EPN1: variants seen among roughly 807,000 people sequenced by gnomAD.
EPN1 encodes epsin-1.
A neutral mutation model predicts 56.9 loss-of-function variants in EPN1; 25 were observed. The observed-to-expected ratio is 0.44, with a 90% CI of 0.32 to 0.61. EPN1 has a LOEUF of 0.61. Ranked by LOEUF, EPN1 falls within the 20% of genes least tolerant of loss-of-function variation. The pLI, the probability that EPN1 is intolerant of heterozygous loss-of-function variation, is 0.05. For missense variants in EPN1, 785 were observed against 823.7 expected, an observed-to-expected ratio of 0.95 and a Z score of 0.58; for synonymous variants, 411 against 361.8, an observed-to-expected ratio of 1.14 and a Z score of -1.54.
In EPN1 at chr19:55,682,964, C is replaced by T. The variant is rs969633000; in HGVS notation, c.229-2432C>T. 2.4e-4 allele frequency among the ~76,000 whole-genome samples: 36 copies of T among 152,020 alleles called. No individual in the cohort carries two copies. In the East Asian group the frequency reaches 2.9e-3, roughly 12 times the overall value. ...TAGAGATGGGGTTTCACCATATTGGCCAGGCTGGTCTCGAACTTCTGACCT... is the reference window on the plus strand; with the variant it reads ...TAGAGATGGGGTTTCACCATATTGGTCAGGCTGGTCTCGAACTTCTGACCT... On this transcript the variant is annotated intron_variant, in intron 2 of 10. Coordinates refer to ENST00000270460, the MANE Select transcript of EPN1 (RefSeq NM_001130072.2).
rs1986824098 is a variant in EPN1, at chr19:55,694,940, C to T, written c.1479C>T (p.Pro493=). ...DLDSLVSRPG[P]TPPGAKASNP... is the part of the protein sequence containing the mutation. Reference sequence around the variant, plus strand: ...ACTCGCTGGTGAGCCGGCCGGGCCCCACGCCGCCTGGAGCCAAGGCCTCCA... The same window carrying T: ...ACTCGCTGGTGAGCCGGCCGGGCCCTACGCCGCCTGGAGCCAAGGCCTCCA... The change falls in exon 10 of 11, where the codon CCC becomes CCT. Residue 493 remains proline, a synonymous_variant. Transcript: ENST00000270460. The surrounding 1 kb of genome is among the most constrained non-coding windows in gnomAD (Gnocchi z 4.2). The T allele has an allele frequency of 6.4e-7, 1 of 1,561,422 alleles. No homozygotes were observed. Among genetic ancestry groups the T allele is most frequent in the Non-Finnish European group, 8.7e-7 (1 of 1,153,688 alleles).
At position 55,707,772 on chromosome 19, in the gene EPN1, C is replaced by G. The variant is rs184916168; in HGVS notation, c.*12416C>G. On this transcript the variant is annotated 3_prime_UTR_variant, in exon 11 of 11. Transcript: ENST00000270460. ...CATGGCCGTGGCAAACTCCTTGGTTCTTCTTTCCACTGGAATCCCCCACAC... is the reference window on the plus strand; with the variant it reads ...CATGGCCGTGGCAAACTCCTTGGTTGTTCTTTCCACTGGAATCCCCCACAC... 29 of 154,634 alleles carry G rather than the reference C, an allele frequency of 1.9e-4. No homozygotes were observed. Among genetic ancestry groups the G allele is most frequent in the Middle Eastern group, 5.2e-4 (1 of 1,926 alleles). 9.6% of individuals were successfully genotyped at this position (154,634 alleles called of 1,614,324 possible). A position where few individuals can be genotyped will look rare whatever the true frequency, so the allele number is the denominator to read the frequency against.
chr19:55,692,016 C>T lies in EPN1; in HGVS notation c.1025C>T (p.Ala342Val). The T allele has an allele frequency of 6.8e-7, 1 of 1,474,530 alleles. No individual in the cohort carries two copies. The allele number at this position is 1,474,530 out of a possible 1,614,324, so 91.3% of individuals were successfully genotyped here. Residue 342 changes from alanine (A) to valine (V), a missense_variant, in exon 7 of 11, where the codon GCT (alanine) becomes GTT (valine). Physicochemically the swap from Ala to Val is moderately conservative, Grantham distance 64 (BLOSUM62 0). This residue lies in a region of EPN1 where 650 missense variants were observed against 605.0 expected (regional missense o/e 1.07). Transcript: ENST00000270460. The stretch of plus-strand genomic sequence containing the variant: ...TGGGGTGGGACCCCAGCCCCTGCAG[C>T]TGGGGAGGGGCCCACGCCTGATCCA... ...DPWGGTPAPA[A>V]GEGPTPDPWG...
At position 55,709,197 on chromosome 19, in the gene EPN1, T is replaced by A. The variant is rs1183362169; in HGVS notation, c.*13841T>A. 1 of 519,260 alleles carries A rather than the reference T, an allele frequency of 1.9e-6. No homozygotes were observed. The highest frequency in any genetic ancestry group is 3.2e-6 in the Non-Finnish European group (1 of 310,894). The allele number at this position is 519,260 out of a possible 1,614,324, so 32.2% of individuals were successfully genotyped here. ...TGAATTTGAAAAACAAGCATGAATC[T>A]TTCCTATAGGATAGGAAGCCTCTGA... On this transcript the variant is annotated 3_prime_UTR_variant, in exon 11 of 11. Coordinates refer to ENST00000270460, the MANE Select transcript of EPN1 (RefSeq NM_001130072.2).
In EPN1 at chr19:55,691,627, C is replaced by T. The variant is rs559452884; in HGVS notation, c.763-127C>T. 3 of 775,684 alleles carry T rather than the reference C, an allele frequency of 3.9e-6. No individual in the cohort carries two copies. The highest frequency in any genetic ancestry group is 1.6e-5 in the South Asian group (1 of 61,070). The allele number at this position is 775,684 out of a possible 1,614,324, so 48.1% of individuals were successfully genotyped here. ...GTTTGGGGCCTGCCTCCCTCTCACC[C>T]CTTATGGATGGCTGCTGTCTGGACA... is the stretch of plus-strand genomic sequence containing the variant. On this transcript the variant is annotated intron_variant, in intron 6 of 10. Coordinates refer to ENST00000270460, the MANE Select transcript of EPN1 (RefSeq NM_001130072.2). The surrounding 1 kb of genome is among the most constrained non-coding windows in gnomAD (Gnocchi z 5.6).
In EPN1 at chr19:55,692,736, C is replaced by T. The variant is rs1480043894; in HGVS notation, c.1117C>T (p.Pro373Ser). The T allele has an allele frequency of 5.7e-6, 9 of 1,574,966 alleles. No individual in the cohort carries two copies. The South Asian group carries it at 5.8e-5, about 10-fold the overall frequency. Residue 373 changes from proline to serine, a missense_variant, in exon 8 of 11, where the codon CCG becomes TCG. By Grantham distance (74) the Pro-to-Ser change is moderately conservative. Around this residue, in one of 2 missense-constraint regions of EPN1, gnomAD observed 650 missense variants for 605.0 expected, o/e 1.07. Transcript: ENST00000270460. Reference protein sequence around the residue: ...PSASDPWTPAPAFSDPWGGSP... With the variant: ...PSASDPWTPASAFSDPWGGSP... ...AGCCTCCGATCCCTGGACACCGGCC[C>T]CGGCCTTCTCAGATCCCTGGGGAGG...
At chr19:55,692,584 G>A (rs1046967273) in intron 7 of EPN1, 102 bp from the exon 8 acceptor site, 20 of 734,888 alleles carry the variant, frequency 2.7e-5, no homozygotes, top group Non-Finnish European at 4.3e-5. Context: ...GGGGGCAGGG[G>A]GGCTTTTGTG....
intron 7 of EPN1, 126 bp downstream of exon 7, chr19:55,692,183 A>T: frequency 1.1e-6 from 1 of 883,500 alleles, no homozygotes; most frequent in Non-Finnish European, 1.6e-6. Flanking sequence ...TCCTGGGTGC[A>T]GGGGAGGGGG....
At chr19:55,686,782 A>G (rs1291191649) in intron 3 of EPN1, among the ~76,000 whole-genome samples, 2 of 151,084 alleles carry the variant, frequency 1.3e-5, no homozygotes, top group Non-Finnish European at 2.9e-5. Context: ...TAGGCGGCAG[A>G]GAGGGGCTGG....
chr19:55,685,732 C>G, intron 3 of EPN1, 87 bp downstream of exon 3: 1 of 1,496,430 alleles, frequency 6.7e-7, no homozygotes, highest in Non-Finnish European at 9.0e-7. Context: ...ACTGCTTTCT[C>G]TCCCAGCCAG....
rs576312629 is a variant in EPN1 at position 55,679,240 on chromosome 19, T to C, written c.228+385T>C. Among the ~76,000 whole-genome samples the C allele has an allele frequency of 6.6e-5, 10 of 152,354 alleles. No homozygotes were observed. In the South Asian group the frequency reaches 2.1e-3, roughly 32 times the overall value. ...CCCCGTGGCACAGGCGATGCCACGC[T>C]GGGGATGAACGCTGTCGTGCCTGTG... On this transcript the variant is annotated intron_variant, in intron 2 of 10. Coordinates refer to ENST00000270460, the MANE Select transcript of EPN1 (RefSeq NM_001130072.2).
intron 1 of EPN1, chr19:55,677,819 C>T (rs1418484683): frequency 1.4e-6 from 2 of 1,409,256 alleles, no homozygotes; most frequent in Non-Finnish European, 1.9e-6. Flanking sequence ...TGGATTCCTG[C>T]CCCCTCTGCC....
chr19:55,697,679 C>G lies in EPN1; in HGVS notation c.*2323C>G, dbSNP rs1042052624. On this transcript the variant is annotated 3_prime_UTR_variant, in exon 11 of 11. Transcript: ENST00000270460. ...AATTACAAAGTAGCACCACAGATCT[C>G]GTGTCTCCTACTTTATTCCTCTTTC... 6.6e-6 allele frequency: 1 copy of G among 152,176 alleles called. No individual in the cohort carries two copies. The highest frequency in any genetic ancestry group is 1.5e-5 in the Non-Finnish European group (1 of 68,036). 9.4% of individuals were successfully genotyped at this position (152,176 alleles called of 1,614,324 possible).
Position 55,706,900 on chromosome 19 carries a change from C to G in EPN1, c.*11544C>G, listed in dbSNP as rs1022007775. On this transcript the variant is annotated 3_prime_UTR_variant, in exon 11 of 11. Transcript: ENST00000270460. The stretch of plus-strand genomic sequence containing the variant: ...CTAAAAAATATTTAAATGGGCTGAG[C>G]GCGGTGGCTCAGGCCTGTAATCCCA... 6.6e-6 allele frequency: 1 copy of G among 152,008 alleles called. No individual in the cohort carries two copies. The highest frequency in any genetic ancestry group is 6.6e-5 in the Admixed American group (1 of 15,248). 9.4% of individuals were successfully genotyped at this position (152,008 alleles called of 1,614,324 possible). A position where few individuals can be genotyped will look rare whatever the true frequency, so the allele number is the denominator to read the frequency against.
rs920448022 is a variant in EPN1 at position 55,703,394 on chromosome 19, GC to G, written c.*8039del. On this transcript the variant is annotated 3_prime_UTR_variant, in exon 11 of 11. Coordinates refer to ENST00000270460, the MANE Select transcript of EPN1 (RefSeq NM_001130072.2). ...GCTAGAGTGCAATGGTGTGATTTCG[GC>G]TCACTGCAACCTCTGCCTCCCGGGT... The G allele has an allele frequency of 1.3e-5, 2 of 152,166 alleles. No homozygotes were observed. The highest frequency in any genetic ancestry group is 2.4e-5 in the African/African-American group (1 of 41,402). 9.4% of individuals were successfully genotyped at this position (152,166 alleles called of 1,614,324 possible).
chr19:55,695,514 A>G lies in EPN1; in HGVS notation c.*158A>G, dbSNP rs1335660279. 2 of 558,886 alleles carry G rather than the reference A, an allele frequency of 3.6e-6. No homozygotes were observed. Among genetic ancestry groups the G allele is most frequent in the Admixed American group, 3.2e-5 (1 of 31,164 alleles). The allele number at this position is 558,886 out of a possible 1,614,324, so 34.6% of individuals were successfully genotyped here. On this transcript the variant is annotated 3_prime_UTR_variant, in exon 11 of 11. Coordinates refer to ENST00000270460, the MANE Select transcript of EPN1 (RefSeq NM_001130072.2). This position sits in a 1 kb window ranked among gnomAD's most constrained non-coding sequence, Gnocchi z 4.4. ...CTACACCCTCTTCCTTTCCCACCCC[A>G]CCTCCCCGGAGAGAAACTGGACATG... is the stretch of plus-strand genomic sequence containing the variant.
At position 55,695,400 on chromosome 19, in the gene EPN1, C is replaced by T. The variant is rs892394582; in HGVS notation, c.*44C>T. 40 of 1,095,956 alleles carry T rather than the reference C, an allele frequency of 3.6e-5. No homozygotes were observed. The East Asian group carries it at 5.2e-4, about 14-fold the overall frequency. The allele number at this position is 1,095,956 out of a possible 1,614,324, so 67.9% of individuals were successfully genotyped here. A position where few individuals can be genotyped will look rare whatever the true frequency, so the allele number is the denominator to read the frequency against. ...CTGGCTCCATCCGGCTGCCCCATTC[C>T]GGCTCCCTGGGAGATCAGTGTTGTG... is the stretch of plus-strand genomic sequence containing the variant. On this transcript the variant is annotated 3_prime_UTR_variant, in exon 11 of 11. Transcript: ENST00000270460. The surrounding 1 kb of genome is among the most constrained non-coding windows in gnomAD (Gnocchi z 4.4).
chr19:55,687,042 C>T (rs560506944), intron 3 of EPN1, among the ~76,000 whole-genome samples: 2 of 152,170 alleles, frequency 1.3e-5, no homozygotes, highest in South Asian at 2.1e-4. Context: ...TGCACCCCTC[C>T]GACACTCACC....
Position 55,693,041 on chromosome 19 carries a change from A to T in EPN1, c.1264+4A>T. The T allele has an allele frequency of 1.2e-6, 2 of 1,611,652 alleles. No individual in the cohort carries two copies. Among genetic ancestry groups the T allele is most frequent in the Non-Finnish European group, 1.7e-6 (2 of 1,178,384 alleles). ...CCGACCTCCGGGAGCAGCGCAGGTGAGCCCCTGCCCTCCCCTGCCCAGTGG... is the reference window on the plus strand; with the variant it reads ...CCGACCTCCGGGAGCAGCGCAGGTGTGCCCCTGCCCTCCCCTGCCCAGTGG... On this transcript the variant is annotated splice_donor_region_variant and intron_variant, in intron 9 of 10. Coordinates refer to ENST00000270460, the MANE Select transcript of EPN1 (RefSeq NM_001130072.2).
Sources: gnomAD v4.1 joint callset for allele counts (sites outside exome capture counted in the v4.1 genomes callset) on GRCh38, gnomAD v4.1.1 for gene constraint, gnomAD v4.1.1 regional missense constraint, Gnocchi (gnomAD v3.1) non-coding constraint, MANE v1.5 for transcripts, NCBI Gene and HGNC (gene_info 2026-07-23, HGNC 2026-07-21) for gene names.